TMED6: variants seen among roughly 807,000 people sequenced by gnomAD.
TMED6 encodes transmembrane p24 trafficking protein 6.
Under a neutral mutation model 26.5 loss-of-function variants are expected in TMED6, and 17 were observed. The ratio of observed to expected loss-of-function variants is 0.64; its 90% CI spans 0.44 to 0.96. The LOEUF is 0.96. Among genes scored for constraint, TMED6 ranks in the 40% least tolerant of loss-of-function variants. The probability of loss-of-function intolerance (pLI) is 0.00; values close to 1 mark genes in which losing one functional copy is unlikely to be tolerated. For missense variants in TMED6, 309 were observed against 296.5 expected, an observed-to-expected ratio of 1.04 and a Z score of -0.31; for synonymous variants, 107 against 106.2, an observed-to-expected ratio of 1.01 and a Z score of -0.04.
In TMED6 at chr16:69,343,420, T is replaced by C. The variant is rs753947825; in HGVS notation, c.710A>G (p.Lys237Arg). The C allele has an allele frequency of 6.2e-7, 1 of 1,614,106 alleles. No homozygotes were observed. The highest frequency in any genetic ancestry group is 2.2e-5 in the East Asian group (1 of 44,882). The change falls in exon 4 of 4, where the codon AAG becomes AGG. Residue 237 changes from lysine to arginine, a missense_variant. Physicochemically the swap from Lys to Arg is conservative, Grantham distance 26. Transcript: ENST00000288025. ...FNVPTTTDTKKPRC is the reference protein window; with the variant it reads ...FNVPTTTDTKRPRC ...AGTCACCTTAGCTTAGCATCTTGGC[T>C]TCTTTGTATCTGTAGTTGTTGGAAC...
rs201025434 is a variant in TMED6, at chr16:69,351,632, C to T, written c.122G>A (p.Arg41Gln). Residue 41 changes from arginine to glutamine, a missense_variant, in exon 1 of 4, where the codon CGA becomes CAA. Physicochemically the swap from Arg to Gln is conservative, Grantham distance 43 (BLOSUM62 1). Transcript: ENST00000288025. ...AGGTATCATGATGGCAAAGTCATAT[C>T]GATCAGCTCCACGGAAGAGTGGCTG... is the stretch of plus-strand genomic sequence containing the variant. The part of the protein sequence containing the change: ...GDQPLFRGAD[R>Q]YDFAIMIPPG... The T allele has an allele frequency of 5.5e-5, 88 of 1,613,940 alleles. No individual in the cohort carries two copies. The highest frequency in any genetic ancestry group is 1.6e-4 in the Middle Eastern group (1 of 6,080).
chr16:69,344,475 TAAG>T (rs1265494388), intron 3 of TMED6, among the ~76,000 whole-genome samples: 17 of 152,126 alleles, frequency 1.1e-4, no homozygotes, highest in South Asian at 2.1e-4. Context: ...GAGAGACTAT[TAAG>T]AAAGTGAAAA....
At chr16:69,346,960 C>T (rs2012695690) in intron 3 of TMED6, among the ~76,000 whole-genome samples, 1 of 151,956 alleles carries the variant, frequency 6.6e-6, no homozygotes, top group Non-Finnish European at 1.5e-5. Context: ...ATTGCTTGAG[C>T]GCAGGAGGTT....
At chr16:69,345,925 T>C (rs1357373988) in intron 3 of TMED6, among the ~76,000 whole-genome samples, 1 of 152,114 alleles carries the variant, frequency 6.6e-6, no homozygotes, top group African/African-American at 2.4e-5. Flanking sequence ...CAAGCTATCC[T>C]ACCTCAGCCT....
Position 69,349,592 on chromosome 16 carries a change from T to A in TMED6, c.273A>T (p.Pro91=). The change falls in exon 2 of 4, where the codon CCA becomes CCT. Residue 91 remains proline (P), a synonymous_variant. Transcript: ENST00000288025. ...GGGAGGTGTCTATGAGAAATCCCTG[T>A]GGGTTATGTGCCGTGGCAGCAACAT... ...DRHVAATAHN[P]QGFLIDTSQG... 3 of 1,613,914 alleles carry A rather than the reference T, an allele frequency of 1.9e-6. No individual in the cohort carries two copies. Among genetic ancestry groups the A allele is most frequent in the Non-Finnish European group, 2.5e-6 (3 of 1,179,918 alleles).
intron 3 of TMED6, among the ~76,000 whole-genome samples, chr16:69,346,938 C>T (rs772076456): frequency 6.6e-6 from 1 of 151,850 alleles, no homozygotes; most frequent in Non-Finnish European, 1.5e-5. Flanking sequence ...TTTGGCAAGC[C>T]GAGGTGGGAG....
At chr16:69,346,077 A>G (rs1287966545) in intron 3 of TMED6, among the ~76,000 whole-genome samples, 1 of 152,248 alleles carries the variant, frequency 6.6e-6, no homozygotes, top group Non-Finnish European at 1.5e-5. Flanking sequence ...CATTAGGGAA[A>G]TGCAACTCAA....
Position 69,347,882 on chromosome 16 carries a change from A to C in TMED6, c.395T>G (p.Val132Gly), listed in dbSNP as rs1376116242. 9 of 1,614,060 alleles carry C rather than the reference A, an allele frequency of 5.6e-6. No individual in the cohort carries two copies. Among genetic ancestry groups the C allele is most frequent in the Non-Finnish European group, 7.6e-6 (9 of 1,180,034 alleles). Residue 132 changes from valine (V) to glycine (G), a missense_variant, in exon 3 of 4, where the codon GTG becomes GGG. Coordinates refer to ENST00000288025, the MANE Select transcript of TMED6 (RefSeq NM_144676.4). ...NQHNHFGSVQ[V>G]YLNFGVFYEG... ...ATAGAAGACCCCAAAGTTGAGGTAC[A>C]CTTGCACAGAACCGAAGTGATTATG... is the stretch of plus-strand genomic sequence containing the variant.
chr16:69,348,157 T>C (rs1474358177), intron 2 of TMED6: 4 of 449,374 alleles, frequency 8.9e-6, no homozygotes, highest in Non-Finnish European at 1.6e-5. Context: ...TAACTCGTTC[T>C]TTCCATACTG....
At position 69,351,521 on chromosome 16, in the gene TMED6, A is replaced by G; in HGVS notation, c.213+20T>C. 6 of 1,611,120 alleles carry G rather than the reference A, an allele frequency of 3.7e-6. No individual in the cohort carries two copies. The highest frequency in any genetic ancestry group is 5.1e-6 in the Non-Finnish European group (6 of 1,177,676). ...AGGAGAAAAAAAAAAGCCCCCCAGT[A>G]TGGCCAGTCACCCACATACCTCGTA... On this transcript the variant is annotated intron_variant, in intron 1 of 3. Transcript: ENST00000288025.
chr16:69,344,527 C>T (rs930160938), intron 3 of TMED6, among the ~76,000 whole-genome samples: 1 of 151,868 alleles, frequency 6.6e-6, no homozygotes, highest in Admixed American at 6.6e-5. Context: ...AATCCCAGCA[C>T]TTTGGGAGGC....
At chr16:69,344,141 G>C (rs2012640359) in intron 3 of TMED6, among the ~76,000 whole-genome samples, 1 of 151,836 alleles carries the variant, frequency 6.6e-6, no homozygotes, top group Non-Finnish European at 1.5e-5. Flanking sequence ...CTTTTGTTTT[G>C]TTTTTAAATA....
At chr16:69,348,331 C>CA (rs879764191) in intron 2 of TMED6, 2,984 of 147,824 alleles carry the variant, frequency 0.02, 16 homozygotes, top group Non-Finnish European at 0.022. Context: ...TTAGGAAAGA[C>CA]AAAAAAAAAA....
intron 2 of TMED6, 80 bp downstream of exon 2, chr16:69,349,445 T>C: frequency 6.6e-7 from 1 of 1,514,408 alleles, no homozygotes; most frequent in Non-Finnish European, 8.9e-7. Context: ...TGTTAAAACA[T>C]CTCTGTATAC....
chr16:69,347,757 G>A, intron 3 of TMED6, 31 bp downstream of exon 3: 2 of 1,612,136 alleles, frequency 1.2e-6, no homozygotes, highest in South Asian at 2.2e-5. Flanking sequence ...AGTTTCCACA[G>A]ATGTTTCTCT....
At chr16:69,345,932 G>C (rs1375601760) in intron 3 of TMED6, among the ~76,000 whole-genome samples, 3 of 152,120 alleles carry the variant, frequency 2.0e-5, no homozygotes, top group Non-Finnish European at 2.9e-5. Flanking sequence ...TCCTACCTCA[G>C]CCTCACAAAG....
chr16:69,351,540 C>A lies in TMED6; in HGVS notation c.213+1G>T, dbSNP rs2012775693. 2 of 1,613,782 alleles carry A rather than the reference C, an allele frequency of 1.2e-6. No homozygotes were observed. The highest frequency in any genetic ancestry group is 2.2e-5 in the East Asian group (1 of 44,890). ...CCCAGTATGGCCAGTCACCCACATA[C>A]CTCGTAACTGAAATAGAAGTATCCA... On this transcript the variant is annotated splice_donor_variant, in intron 1 of 3. Coordinates refer to ENST00000288025, the MANE Select transcript of TMED6 (RefSeq NM_144676.4). LOFTEE classifies it high-confidence loss of function.
rs200428791 is a variant in TMED6, at chr16:69,349,587, C to T, written c.278G>A (p.Gly93Glu). Residue 93 changes from glycine (G) to glutamate (E), a missense_variant, in exon 2 of 4, where the codon GGA becomes GAA. Physicochemically the swap from Gly to Glu is moderately conservative, Grantham distance 98. Coordinates refer to ENST00000288025, the MANE Select transcript of TMED6 (RefSeq NM_144676.4). ...HVAATAHNPQGFLIDTSQGVR... is the reference protein window; with the variant it reads ...HVAATAHNPQEFLIDTSQGVR... ...ACCCTGGGAGGTGTCTATGAGAAAT[C>T]CCTGTGGGTTATGTGCCGTGGCAGC... 181 of 1,613,844 alleles carry T rather than the reference C, an allele frequency of 1.1e-4. No homozygotes were observed. The highest frequency in any genetic ancestry group is 1.4e-4 in the Non-Finnish European group (165 of 1,179,972).
intron 1 of TMED6, 142 bp downstream of exon 1, chr16:69,351,399 A>C: frequency 1.4e-6 from 1 of 734,992 alleles, no homozygotes; most frequent in East Asian, 2.7e-5. Flanking sequence ...GTTTCCCTCT[A>C]ACTGCAGGTC....
Sources: gnomAD v4.1 joint callset for allele counts (sites outside exome capture counted in the v4.1 genomes callset) on GRCh38, gnomAD v4.1.1 for gene constraint, MANE v1.5 for transcripts, NCBI Gene and HGNC (gene_info 2026-07-23, HGNC 2026-07-21) for gene names.